MCM10: variants seen among roughly 807,000 people sequenced by gnomAD.
The protein encoded by MCM10 is minichromosome maintenance 10 replication initiation factor.
MCM10 carries 91 observed loss-of-function variants against 109.9 expected under a neutral mutation model. The ratio of observed to expected loss-of-function variants is 0.83; its 90% CI spans 0.70 to 0.99. The LOEUF is 0.99. MCM10 is among the 50% of genes least tolerant of loss of function. The pLI, the probability that MCM10 is intolerant of heterozygous loss-of-function variation, is 0.00. For missense variants in MCM10, 1,077 were observed against 1,061.2 expected, an observed-to-expected ratio of 1.01 and a Z score of -0.21; for synonymous variants, 380 against 387.2, an observed-to-expected ratio of 0.98 and a Z score of 0.22.
At chr10:13,199,113 C>A (rs534938076) in intron 16 of MCM10, among the ~76,000 whole-genome samples, 1 of 152,338 alleles carries the variant, frequency 6.6e-6, no homozygotes, top group East Asian at 1.9e-4. Flanking sequence ...CCAGGCTGAT[C>A]TCTAACTCCT....
rs140263785 is a variant in MCM10 at position 13,163,281 on chromosome 10, G to A, written c.-75-847G>A. 3.6e-3 allele frequency among the ~76,000 whole-genome samples: 551 copies of A among 152,276 alleles called. 2 individuals carry two copies. Among genetic ancestry groups the A allele is most frequent in the African/African-American group, 0.013 (523 of 41,542 alleles). On this transcript the variant is annotated intron_variant, in intron 1 of 19. Coordinates refer to ENST00000378714, the MANE Select transcript of MCM10 (RefSeq NM_018518.5). ...TGGAGCCTGGGAGGCGGAGGTTGTA[G>A]TGAGCCAATAGCACCACTGCACTCC... is the stretch of plus-strand genomic sequence containing the variant.
chr10:13,185,967 G>A (rs1398583375), intron 8 of MCM10, among the ~76,000 whole-genome samples, 197 bp from the exon 9 acceptor site: 1 of 152,158 alleles, frequency 6.6e-6, no homozygotes, highest in African/African-American at 2.4e-5. Context: ...TTGCCACATT[G>A]CCTAGGCTAG....
At chr10:13,179,019 T>C (rs1834176369) in intron 6 of MCM10, among the ~76,000 whole-genome samples, 1 of 152,260 alleles carries the variant, frequency 6.6e-6, no homozygotes, top group African/African-American at 2.4e-5. Context: ...TGTTGGCATC[T>C]AGAAATGCTA....
intron 9 of MCM10, among the ~76,000 whole-genome samples, chr10:13,187,538 G>A (rs1834291076): frequency 6.6e-6 from 1 of 152,196 alleles, no homozygotes; most frequent in Non-Finnish European, 1.5e-5. Flanking sequence ...TCCAGAGTTT[G>A]GAGGAACTGC....
intron 10 of MCM10, among the ~76,000 whole-genome samples, 182 bp downstream of exon 10, chr10:13,189,262 GGAGA>G (rs1183439534): frequency 1.3e-5 from 2 of 152,060 alleles, no homozygotes; most frequent in African/African-American, 2.4e-5. Context: ...AAAACTTTCA[GGAGA>G]GAGAGAGATT....
At chr10:13,181,021 A>T (rs996340971) in intron 7 of MCM10, among the ~76,000 whole-genome samples, 1 of 152,232 alleles carries the variant, frequency 6.6e-6, no homozygotes, top group African/African-American at 2.4e-5. Context: ...GGCCTGTGTC[A>T]GTGCCGTGTG....
At position 13,166,687 on chromosome 10, in the gene MCM10, T is replaced by TATAG. The variant is rs1470717727; in HGVS notation, c.7+2480_7+2481insAGAT. 1.2e-4 allele frequency among the ~76,000 whole-genome samples: 16 copies of TATAG among 137,898 alleles called. 1 individual carries two copies. Among genetic ancestry groups the TATAG allele is most frequent in the African/African-American group, 4.5e-4 (16 of 35,826 alleles). 90.5% of individuals were successfully genotyped at this position (137,898 alleles called of 152,430 possible). A position where few individuals can be genotyped will look rare whatever the true frequency, so the allele number is the denominator to read the frequency against. ...ATATATATATATATATATATATATA[T>TATAG]ATCATCAGCTAAGAGTAAAGAGTGG... On this transcript the variant is annotated intron_variant, in intron 2 of 19. Transcript: ENST00000378714.
chr10:13,207,822 G>T (rs1213605167), intron 18 of MCM10, among the ~76,000 whole-genome samples: 1 of 152,034 alleles, frequency 6.6e-6, no homozygotes, highest in East Asian at 1.9e-4. Flanking sequence ...CCCAGTCTTG[G>T]GTATGTCTTT....
chr10:13,164,454 T>G (rs1464011061), intron 2 of MCM10, among the ~76,000 whole-genome samples: 1 of 152,178 alleles, frequency 6.6e-6, no homozygotes, highest in Non-Finnish European at 1.5e-5. Flanking sequence ...AGGTGTACAG[T>G]GGGCCAGGCA....
intron 2 of MCM10, among the ~76,000 whole-genome samples, chr10:13,166,657 C>CATATATATATATATATATATATATAT (rs1491379684): frequency 5.0e-5 from 1 of 19,936 alleles, no homozygotes; most frequent in East Asian, 9.9e-4. Flanking sequence ...AAAATACATA[C>CATATATATATATATATATATATATAT]ATACATATAT....
Position 13,209,379 on chromosome 10 carries a change from G to A in MCM10, c.*69G>A. ...GACTCTGGAAAGCAAAGGATTGGCT[G>A]TGTATTGTCCATTGATTCCTGATTG... On this transcript the variant is annotated 3_prime_UTR_variant, in exon 20 of 20. Transcript: ENST00000378714. The A allele has an allele frequency of 4.9e-6, 6 of 1,228,246 alleles. No homozygotes were observed. The highest frequency in any genetic ancestry group is 7.2e-6 in the Non-Finnish European group (6 of 837,378). 76.1% of individuals were successfully genotyped at this position (1,228,246 alleles called of 1,614,324 possible).
At chr10:13,178,310 A>C (rs958928482) in intron 6 of MCM10, among the ~76,000 whole-genome samples, 11 of 152,194 alleles carry the variant, frequency 7.2e-5, no homozygotes, top group Non-Finnish European at 1.5e-4. Flanking sequence ...GCTGGTCTCA[A>C]ACTCCTGACC....
chr10:13,171,839 A>G (rs1021398225), intron 3 of MCM10, among the ~76,000 whole-genome samples: 4 of 151,634 alleles, frequency 2.6e-5, no homozygotes, highest in African/African-American at 9.7e-5. Context: ...ATCTTGGCTC[A>G]CTGTAGCCTC....
At chr10:13,208,742 G>C (rs1168087350) in intron 18 of MCM10, among the ~76,000 whole-genome samples, 1 of 152,084 alleles carries the variant, frequency 6.6e-6, no homozygotes, top group Non-Finnish European at 1.5e-5. Flanking sequence ...GCACCAGAGG[G>C]CCAGCTCCTT....
In MCM10 at chr10:13,164,163, C is replaced by T; in HGVS notation, c.-40C>T. Reference sequence around the variant, plus strand: ...ACATTGCTCATCTGGGCATCTGAGCCTCCTTCGAAGTTTCCTGTCACAACT... The same window carrying T: ...ACATTGCTCATCTGGGCATCTGAGCTTCCTTCGAAGTTTCCTGTCACAACT... On this transcript the variant is annotated 5_prime_UTR_variant, in exon 2 of 20. Coordinates refer to ENST00000378714, the MANE Select transcript of MCM10 (RefSeq NM_018518.5). 10 of 1,564,848 alleles carry T rather than the reference C, an allele frequency of 6.4e-6. No homozygotes were observed. The highest frequency in any genetic ancestry group is 8.6e-6 in the Non-Finnish European group (10 of 1,162,788).
Position 13,175,627 on chromosome 10 carries a change from C to A in MCM10, c.710C>A (p.Ser237Tyr), listed in dbSNP as rs1332158839. The A allele has an allele frequency of 5.0e-6, 8 of 1,613,124 alleles. No homozygotes were observed. Among genetic ancestry groups the A allele is most frequent in the Non-Finnish European group, 5.9e-6 (7 of 1,179,318 alleles). The change falls in exon 6 of 20, where the codon TCT (serine) becomes TAT (tyrosine). Residue 237 changes from serine (S) to tyrosine (Y), a missense_variant. Ser to Tyr is a moderately radical substitution (Grantham distance 144). Transcript: ENST00000378714. Reference sequence around the variant, plus strand: ...CAAATTGTGGGGACCCCAGGAAGTTCTGGGGAAACGACTCAACCCATCTGT... The same window carrying A: ...CAAATTGTGGGGACCCCAGGAAGTTATGGGGAAACGACTCAACCCATCTGT... ...RGQIVGTPGS[S>Y]GETTQPICVE...
At chr10:13,164,326 G>T (rs1833966925) in intron 2 of MCM10, 117 bp downstream of exon 2, 2 of 938,532 alleles carry the variant, frequency 2.1e-6, no homozygotes, top group South Asian at 3.9e-5. Flanking sequence ...CTCAGGTATT[G>T]TCTTAGTGGT....
chr10:13,195,352 T>G, intron 14 of MCM10, 83 bp downstream of exon 14: 13 of 996,060 alleles, frequency 1.3e-5, no homozygotes, highest in Non-Finnish European at 1.9e-5. Context: ...CTAATAGCTC[T>G]TTATTGATCG....
chr10:13,186,079 G>A, intron 8 of MCM10, 85 bp from the exon 9 acceptor site: 1 of 771,492 alleles, frequency 1.3e-6, no homozygotes, highest in South Asian at 1.5e-5. Context: ...TCTTAAATCA[G>A]CACCAACCAT....
Sources: allele counts gnomAD v4.1 joint callset (sites outside exome capture counted in the v4.1 genomes callset), GRCh38; gene constraint gnomAD v4.1.1; transcripts MANE v1.5; gene names NCBI Gene and HGNC (gene_info 2026-07-23, HGNC 2026-07-21).